SLC26A4: variants seen among roughly 807,000 people sequenced by gnomAD.
SLC26A4 encodes pendrin.
SLC26A4 carries 93 observed loss-of-function variants against 90.4 expected under a neutral mutation model. That is an observed-to-expected ratio of 1.03 (90% CI 0.87 to 1.22). The LOEUF (loss-of-function observed/expected upper bound fraction) is 1.22, where lower values mean the gene tolerates loss of function less well. SLC26A4 is among the 50% of genes most tolerant of loss of function. SLC26A4 has a pLI of 0.00. For synonymous variants in SLC26A4, 393 were observed against 354.6 expected, an observed-to-expected ratio of 1.11 and a Z score of -1.22; for missense variants, 1,127 against 946.2, an observed-to-expected ratio of 1.19 and a Z score of -2.51.
intron 9 of SLC26A4, 112 bp downstream of exon 9, chr7:107,689,312 C>T: frequency 2.7e-6 from 3 of 1,115,638 alleles, no homozygotes; most frequent in Admixed American, 1.7e-5. Flanking sequence ...TTTCACCAGA[C>T]CTTATTGGGT....
intron 17 of SLC26A4, among the ~76,000 whole-genome samples, chr7:107,703,624 T>C (rs555192167): frequency 3.3e-5 from 5 of 152,332 alleles, no homozygotes; most frequent in South Asian, 2.1e-4. Context: ...ACATATTTAA[T>C]GCCAGAATAT....
chr7:107,664,225 G>A (rs1272968406), intron 3 of SLC26A4, among the ~76,000 whole-genome samples: 4 of 150,726 alleles, frequency 2.7e-5, no homozygotes, highest in African/African-American at 9.8e-5. Flanking sequence ...CTTTTTTGTT[G>A]GTTTGTTTTG....
At chr7:107,662,003 T>C (rs1166941042) in intron 2 of SLC26A4, 198 bp downstream of exon 2, 5 of 621,732 alleles carry the variant, frequency 8.0e-6, no homozygotes, top group African/African-American at 5.6e-5. Flanking sequence ...TCCATCAGTC[T>C]CGGGCCCGAA....
At position 107,694,687 on chromosome 7, in the gene SLC26A4, C is replaced by T. The variant is rs369885379; in HGVS notation, c.1408C>T (p.Arg470Cys). The change falls in exon 12 of 21, where the codon CGT becomes TGT. Residue 470 changes from arginine to cysteine, a missense_variant. Transcript: ENST00000644269. ...GMFMQLCDIP[R>C]LWRQNKIDAV... ...GTTTATGCAGCTGTGTGACATTCCT[C>T]GTCTGTGGAGACAGAATAAGATTGA... 1.4e-5 allele frequency: 22 copies of T among 1,612,760 alleles called. No homozygotes were observed. Among genetic ancestry groups the T allele is most frequent in the Middle Eastern group, 1.6e-4 (1 of 6,082 alleles).
rs747746081 is a variant in SLC26A4, at chr7:107,715,439, C to T, written c.2336C>T (p.Ala779Val). ...DVQDEAMRTLAS is the reference protein window; with the variant it reads ...DVQDEAMRTLVS ...CTTCCACAGGCTATGCGTACACTTG[C>T]ATCCTGAAAGTGGGTTCGGGAGGTC... Residue 779 changes from alanine (A) to valine (V), a missense_variant, in exon 21 of 21, where the codon GCA becomes GTA. Physicochemically the swap from Ala to Val is moderately conservative, Grantham distance 64. Transcript: ENST00000644269. The T allele has an allele frequency of 2.5e-6, 4 of 1,613,152 alleles. No individual in the cohort carries two copies. In the African/African-American group the frequency reaches 5.3e-5, roughly 22 times the overall value.
chr7:107,707,431 T>C (rs1020198244), intron 18 of SLC26A4, among the ~76,000 whole-genome samples: 4 of 152,204 alleles, frequency 2.6e-5, no homozygotes, highest in African/African-American at 9.6e-5. Flanking sequence ...CTCTTTGAAG[T>C]CACAGCACTT....
In SLC26A4 at chr7:107,677,484, G is replaced by A. The variant is rs1270716901; in HGVS notation, c.765+2375G>A. 1.3e-4 allele frequency among the ~76,000 whole-genome samples: 20 copies of A among 152,132 alleles called. 1 individual carries two copies. In the South Asian group the frequency reaches 3.5e-3, roughly 27 times the overall value. On this transcript the variant is annotated intron_variant, in intron 6 of 20. Coordinates refer to ENST00000644269, the MANE Select transcript of SLC26A4 (RefSeq NM_000441.2). ...CAGATGAATAGACCTCATGAAGCTCGCCGTTCATTTCCTCGGGACCCAGCC... is the reference window on the plus strand; with the variant it reads ...CAGATGAATAGACCTCATGAAGCTCACCGTTCATTTCCTCGGGACCCAGCC...
At chr7:107,670,882 G>T (rs1253290258) in intron 3 of SLC26A4, among the ~76,000 whole-genome samples, 2 of 152,286 alleles carry the variant, frequency 1.3e-5, no homozygotes, top group South Asian at 4.1e-4. Flanking sequence ...ATGTAAACTA[G>T]AATGTTGATT....
chr7:107,694,256 AC>A, intron 10 of SLC26A4, 146 bp from the exon 11 acceptor site: 1 of 712,078 alleles, frequency 1.4e-6, no homozygotes, highest in Non-Finnish European at 2.6e-6. Context: ...AATAACTATC[AC>A]TTTTCTCGAC....
At chr7:107,668,086 A>G (rs1790766201) in intron 3 of SLC26A4, among the ~76,000 whole-genome samples, 1 of 152,284 alleles carries the variant, frequency 6.6e-6, no homozygotes, top group South Asian at 2.1e-4. Context: ...TTGTGGTCAC[A>G]CATTTTACAT....
intron 17 of SLC26A4, among the ~76,000 whole-genome samples, chr7:107,702,659 T>C (rs1441440319): frequency 7.6e-6 from 1 of 132,232 alleles, no homozygotes; most frequent in Non-Finnish European, 1.5e-5. Flanking sequence ...TACTCCAGCC[T>C]GGGTGACAGA....
At chr7:107,687,775 A>G (rs1166108050) in intron 8 of SLC26A4, among the ~76,000 whole-genome samples, 1 of 152,194 alleles carries the variant, frequency 6.6e-6, no homozygotes, top group African/African-American at 2.4e-5. Flanking sequence ...GACCTGAAGT[A>G]GGGTTGACTG....
chr7:107,670,690 C>T (rs965145851), intron 3 of SLC26A4, among the ~76,000 whole-genome samples: 2 of 152,146 alleles, frequency 1.3e-5, no homozygotes, highest in African/African-American at 4.8e-5. Context: ...CATATTCAGG[C>T]TGTTGCCATT....
chr7:107,701,991 T>C lies in SLC26A4; in HGVS notation c.1968T>C (p.His656=). Residue 656 remains histidine (H), a synonymous_variant, in exon 17 of 21, where the codon CAT becomes CAC. Transcript: ENST00000644269. ...VKVNVPKVPI[H]SLVLDCGAIS... ...TGAACGTTCCCAAAGTGCCAATCCATAGCCTTGTGCTTGACTGTGGAGCTA... is the reference window on the plus strand; with the variant it reads ...TGAACGTTCCCAAAGTGCCAATCCACAGCCTTGTGCTTGACTGTGGAGCTA... 6.2e-7 allele frequency: 1 copy of C among 1,614,096 alleles called. No homozygotes were observed. The highest frequency in any genetic ancestry group is 8.5e-7 in the Non-Finnish European group (1 of 1,179,968).
chr7:107,689,264 A>G, intron 9 of SLC26A4, 64 bp downstream of exon 9: 1 of 1,571,796 alleles, frequency 6.4e-7, no homozygotes, highest in Non-Finnish European at 8.7e-7. Flanking sequence ...ACATAAATGG[A>G]AAAGATTTTG....
intron 6 of SLC26A4, among the ~76,000 whole-genome samples, chr7:107,678,830 C>T (rs1791096141): frequency 6.6e-6 from 1 of 151,882 alleles, no homozygotes; most frequent in African/African-American, 2.4e-5. Flanking sequence ...TATGACATTA[C>T]CATTGCAATT....
At chr7:107,704,713 A>T (rs1192695170) in intron 18 of SLC26A4, among the ~76,000 whole-genome samples, 4 of 152,256 alleles carry the variant, frequency 2.6e-5, no homozygotes, top group African/African-American at 9.6e-5. Context: ...ATAATGGATT[A>T]GTTAACATGA....
In SLC26A4 at chr7:107,683,528, T is replaced by C. The variant is rs1000313632; in HGVS notation, c.992T>C (p.Ile331Thr). ...TACAATGCTGGCATTGTTAAATCCA[T>C]CCCAAGGGGGTGAGTGTGGTGTTCC... ...KNYNAGIVKS[I>T]PRGFLPPELP... The change falls in exon 8 of 21, where the codon ATC becomes ACC. Residue 331 changes from isoleucine to threonine, a missense_variant. Physicochemically the swap from Ile to Thr is moderately conservative, Grantham distance 89. Transcript: ENST00000644269. 2.5e-6 allele frequency: 4 copies of C among 1,613,596 alleles called. No individual in the cohort carries two copies. Among genetic ancestry groups the C allele is most frequent in the African/African-American group, 1.3e-5 (1 of 75,012 alleles).
chr7:107,663,603 C>A (rs182742208), intron 3 of SLC26A4, among the ~76,000 whole-genome samples, 168 bp downstream of exon 3: 1 of 152,272 alleles, frequency 6.6e-6, no homozygotes, highest in Non-Finnish European at 1.5e-5. Flanking sequence ...CCTTAGAGTT[C>A]TCTTCCTGGG....
Sources: gnomAD v4.1 joint callset for allele counts (sites outside exome capture counted in the v4.1 genomes callset) on GRCh38, gnomAD v4.1.1 for gene constraint, MANE v1.5 for transcripts, NCBI Gene and HGNC (gene_info 2026-07-23, HGNC 2026-07-21) for gene names.